SEC14L5: variants seen among roughly 807,000 people sequenced by gnomAD.
SEC14L5 encodes the protein SEC14 like lipid binding 5, also known as SEC14-like protein 5.
A neutral mutation model predicts 84.6 loss-of-function variants in SEC14L5; 96 were observed. The ratio of observed to expected loss-of-function variants is 1.13; its 90% confidence interval spans 0.96 to 1.34. The LOEUF is 1.34. SEC14L5 is among the 40% of genes most tolerant of loss of function. The probability of loss-of-function intolerance (pLI) is 0.00; values close to 1 mark genes in which losing one functional copy is unlikely to be tolerated. For missense variants in SEC14L5, 1,224 were observed against 942.5 expected (o/e 1.30, Z -3.91); for synonymous variants, 546 against 383.4 (o/e 1.42, Z -4.95).
chr16:4,996,968 TCTC>T lies in SEC14L5; in HGVS notation c.900_902del (p.Leu301del), dbSNP rs1177707773. On this transcript the variant is annotated inframe_deletion, in exon 8 of 16. Transcript: ENST00000251170. ...GCTGGCGCAAGCAGCACCAGGTGGA[TCTC>T]CTCCTTCAGACCTGGCAACCCCCTG... is the stretch of plus-strand genomic sequence containing the variant. 3.7e-6 allele frequency: 6 copies of T among 1,613,342 alleles called. No homozygotes were observed. The highest frequency in any genetic ancestry group is 5.1e-6 in the Non-Finnish European group (6 of 1,179,674).
At chr16:4,998,372 T>C (rs1955636385) in intron 8 of SEC14L5, among the ~76,000 whole-genome samples, 1 of 151,938 alleles carries the variant, frequency 6.6e-6, no homozygotes. Context: ...ATTACAAATA[T>C]CTTTTCTGGA....
At chr16:5,007,309 C>G in intron 12 of SEC14L5, 43 bp from the exon 13 acceptor site, 1 of 1,598,656 alleles carries the variant, frequency 6.3e-7, no homozygotes, top group Non-Finnish European at 8.5e-7. Flanking sequence ...CCAGCCAGGC[C>G]TCAACTGGCC....
At position 4,959,307 on chromosome 16, in the gene SEC14L5, G is replaced by A. The variant is rs776293413; in HGVS notation, c.-17G>A. 37 of 1,609,446 alleles carry A rather than the reference G, an allele frequency of 2.3e-5. No individual in the cohort carries two copies. In the East Asian group the frequency reaches 8.0e-4, roughly 35 times the overall value. On this transcript the variant is annotated 5_prime_UTR_variant, in exon 2 of 16. Transcript: ENST00000251170. ...ACACCCCTGCCTGGTGACCTCCATT[G>A]GTGCTCCAGCGTGAACATGGTGCAA...
Position 4,988,204 on chromosome 16 carries a change from A to T in SEC14L5, c.269A>T (p.Glu90Val), listed in dbSNP as rs768855594. The change falls in exon 4 of 16, where the codon GAG becomes GTG. Residue 90 changes from glutamate to valine, a missense_variant. Glu to Val is a moderately radical substitution (Grantham distance 121). Transcript: ENST00000251170. Reference protein sequence around the residue: ...FVQTNILNWKERTLLIEAHNE... With the variant: ...FVQTNILNWKVRTLLIEAHNE... ...CAGACAAACATCTTGAACTGGAAGG[A>T]GAGGACGCTCCTCATCGAAGCGCAC... 4 of 1,613,174 alleles carry T rather than the reference A, an allele frequency of 2.5e-6. No homozygotes were observed. The East Asian group carries it at 8.9e-5, about 36-fold the overall frequency.
chr16:4,994,453 C>G (rs536732466), intron 6 of SEC14L5, among the ~76,000 whole-genome samples: 3 of 152,258 alleles, frequency 2.0e-5, no homozygotes, highest in South Asian at 4.1e-4. Flanking sequence ...AAACGATTCT[C>G]CTGCCTCAGC....
chr16:4,995,610 T>TTC lies in SEC14L5; in HGVS notation c.668-724_668-723dup, dbSNP rs969613056. On this transcript the variant is annotated intron_variant, in intron 6 of 15. Coordinates refer to ENST00000251170, the MANE Select transcript of SEC14L5 (RefSeq NM_014692.2). ...CACCTCTCTAGGCCTCAGTTTTATCTTCTCTCTCTCTCTCTTTTTTTTTTT... is the reference window on the plus strand; with the variant it reads ...CACCTCTCTAGGCCTCAGTTTTATCTTCTCTCTCTCTCTCTCTTTTTTTTTTT... 3.9e-3 allele frequency among the ~76,000 whole-genome samples: 568 copies of TTC among 146,502 alleles called. 34 individuals are homozygous for TTC. The highest frequency in any genetic ancestry group is 4.5e-3 in the Non-Finnish European group (304 of 66,954).
At chr16:4,994,862 C>T (rs987271930) in intron 6 of SEC14L5, among the ~76,000 whole-genome samples, 3 of 152,078 alleles carry the variant, frequency 2.0e-5, no homozygotes, top group African/African-American at 7.2e-5. Flanking sequence ...GCCCCTTCTG[C>T]CCTCTCCTGA....
intron 3 of SEC14L5, 92 bp downstream of exon 3, chr16:4,987,798 G>C (rs1955508924): frequency 2.1e-6 from 2 of 959,958 alleles, no homozygotes; most frequent in African/African-American, 3.4e-5. Flanking sequence ...AGGGCGGCGG[G>C]GTCCAGGAGG....
intron 2 of SEC14L5, among the ~76,000 whole-genome samples, chr16:4,969,664 G>A (rs1484896940): frequency 1.3e-5 from 2 of 152,098 alleles, no homozygotes; most frequent in African/African-American, 4.8e-5. Context: ...GATTACAGGT[G>A]TGAGCTACTG....
chr16:4,973,906 A>G (rs945803223), intron 2 of SEC14L5, among the ~76,000 whole-genome samples: 3 of 150,628 alleles, frequency 2.0e-5, no homozygotes, highest in Non-Finnish European at 4.4e-5. Flanking sequence ...CTGGTCTTGA[A>G]CTCCTCACCT....
chr16:5,012,967 C>T (rs540601567), intron 15 of SEC14L5, among the ~76,000 whole-genome samples: 2 of 151,284 alleles, frequency 1.3e-5, no homozygotes, highest in Non-Finnish European at 1.5e-5. Context: ...AATTGACTCA[C>T]GGTTCTGCAT....
At chr16:4,978,577 C>G (rs1418254683) in intron 2 of SEC14L5, among the ~76,000 whole-genome samples, 1 of 148,862 alleles carries the variant, frequency 6.7e-6, no homozygotes, top group Non-Finnish European at 1.5e-5. Context: ...TGCCACCACA[C>G]TTGGGTAATT....
intron 2 of SEC14L5, among the ~76,000 whole-genome samples, chr16:4,986,339 C>A (rs1316701415): frequency 6.6e-6 from 1 of 152,122 alleles, no homozygotes; most frequent in Non-Finnish European, 1.5e-5. Context: ...GGGGTTTCAC[C>A]ATGTTGGCCA....
Position 5,014,922 on chromosome 16 carries a change from G to A in SEC14L5, c.2043G>A (p.Ser681=), listed in dbSNP as rs1555443276. The A allele has an allele frequency of 3.2e-5, 52 of 1,612,844 alleles. No individual in the cohort carries two copies. The Admixed American group carries it at 3.5e-4, about 11-fold the overall frequency. Residue 681 remains serine, a synonymous_variant, in exon 16 of 16, where the codon TCG becomes TCA. Transcript: ENST00000251170. The part of the protein sequence containing the change: ...SGFSQLSAAT[S]SSSSGQSHSS... ...TCTCCCAGCTCAGCGCCGCCACCTC[G>A]TCCTCCTCCTCCGGCCAGTCTCATA...
At chr16:4,982,001 G>C (rs2142496455) in intron 2 of SEC14L5, among the ~76,000 whole-genome samples, 1 of 152,294 alleles carries the variant, frequency 6.6e-6, no homozygotes, top group Non-Finnish European at 1.5e-5. Context: ...AGCTCGCTGA[G>C]TCCAGACCCC....
In SEC14L5 at chr16:5,008,449, C is replaced by A; in HGVS notation, c.1601C>A (p.Ser534Ter). Reference sequence around the variant, plus strand: ...GCCGTGGAGATCCTGGAAGGAGAGTCGGTCATCACCTGGGACTTTGACATC... The same window carrying A: ...GCCGTGGAGATCCTGGAAGGAGAGTAGGTCATCACCTGGGACTTTGACATC... ...EVAVEILEGE[S>*]VITWDFDILR... The change falls in exon 14 of 16, where the codon TCG (serine) becomes TAG (stop). Residue 534 changes from serine to a stop codon, truncating the protein, a stop_gained. Transcript: ENST00000251170. LOFTEE classifies it high-confidence loss of function. 3 of 1,613,224 alleles carry A rather than the reference C, an allele frequency of 1.9e-6. No homozygotes were observed. Among genetic ancestry groups the A allele is most frequent in the South Asian group, 1.1e-5 (1 of 91,010 alleles).
chr16:5,007,981 C>T (rs546454647), intron 13 of SEC14L5, among the ~76,000 whole-genome samples: 1 of 148,138 alleles, frequency 6.8e-6, no homozygotes, highest in Non-Finnish European at 1.5e-5. Context: ...AATGTTGGCT[C>T]ACTGCAACTT....
At position 5,008,596 on chromosome 16, in the gene SEC14L5, A is replaced by G. The variant is rs769034834; in HGVS notation, c.1748A>G (p.Asp583Gly). ...LIDKGWVLGR[D>G]YSRVEAPLVC... Reference sequence around the variant, plus strand: ...GACAAAGGCTGGGTCCTGGGCAGGGATTACAGCCGTGTGGAGGCTCCCCTT... The same window carrying G: ...GACAAAGGCTGGGTCCTGGGCAGGGGTTACAGCCGTGTGGAGGCTCCCCTT... Residue 583 changes from aspartate to glycine, a missense_variant, in exon 14 of 16, where the codon GAT (aspartate) becomes GGT (glycine). By Grantham distance (94) the Asp-to-Gly change is moderately conservative. Transcript: ENST00000251170. 6.2e-7 allele frequency: 1 copy of G among 1,605,318 alleles called. No homozygotes were observed. The highest frequency in any genetic ancestry group is 1.8e-5 in the Admixed American group (1 of 56,696).
intron 2 of SEC14L5, among the ~76,000 whole-genome samples, chr16:4,979,842 C>G (rs1955398280): frequency 6.6e-6 from 1 of 152,196 alleles, no homozygotes; most frequent in Non-Finnish European, 1.5e-5. Context: ...TCTCTGCCAT[C>G]CAGGGAGGTG....
Sources: allele counts gnomAD v4.1 joint callset (sites outside exome capture counted in the v4.1 genomes callset), GRCh38; gene constraint gnomAD v4.1.1; transcripts MANE v1.5; gene names NCBI Gene and HGNC (gene_info 2026-07-23, HGNC 2026-07-21).